SP140L: variants seen among roughly 807,000 people sequenced by gnomAD.
SP140L encodes the protein nuclear body protein SP140-like protein.
A neutral mutation model predicts 84.3 loss-of-function variants in SP140L; 64 were observed. That is an observed-to-expected ratio of 0.76 (90% confidence interval 0.62 to 0.94). SP140L has a LOEUF of 0.94. Ranked by LOEUF, SP140L falls within the 40% of genes least tolerant of loss-of-function variation. The pLI is 0.00. For missense variants in SP140L, 628 were observed against 692.5 expected, an observed-to-expected ratio of 0.91 and a Z score of 1.05; for synonymous variants, 242 against 236.9, an observed-to-expected ratio of 1.02 and a Z score of -0.20.
chr2:230,399,631 G>A (rs1316974110), intron 14 of SP140L, among the ~76,000 whole-genome samples: 1 of 152,176 alleles, frequency 6.6e-6, no homozygotes, highest in East Asian at 1.9e-4. Flanking sequence ...AAAACCTACA[G>A]CCTAGGAACC....
chr2:230,369,574 A>G (rs2060989483), intron 5 of SP140L, among the ~76,000 whole-genome samples: 1 of 152,238 alleles, frequency 6.6e-6, no homozygotes, highest in Non-Finnish European at 1.5e-5. Context: ...TTTCAGAAAC[A>G]GGAGTGTATG....
In SP140L at chr2:230,388,646, A is replaced by C; in HGVS notation, c.859+13A>C. 6.3e-7 allele frequency: 1 copy of C among 1,593,948 alleles called. No homozygotes were observed. Among genetic ancestry groups the C allele is most frequent in the Non-Finnish European group, 8.5e-7 (1 of 1,169,764 alleles). On this transcript the variant is annotated intron_variant, in intron 10 of 18. Transcript: ENST00000415673. ...GTCCGATCAAGAGGTAAAAAAGAAA[A>C]GAGGAATGCACTTTCAATAACTAAA...
chr2:230,352,453 A>C (rs1000297950), intron 2 of SP140L, among the ~76,000 whole-genome samples: 5 of 152,172 alleles, frequency 3.3e-5, no homozygotes, highest in African/African-American at 1.2e-4. Context: ...AGTGAGAGAC[A>C]GCAAAGAAAG....
intron 5 of SP140L, among the ~76,000 whole-genome samples, chr2:230,369,923 G>A (rs188189310): frequency 5.4e-4 from 80 of 147,792 alleles, no homozygotes; most frequent in Middle Eastern, 3.4e-3. Context: ...ACAGGCGCAC[G>A]CCACCACACC....
Position 230,370,915 on chromosome 2 carries a change from G to T in SP140L, c.531G>T (p.Val177=), listed in dbSNP as rs528172386. ...ATGTCATGTGTTTCTCAGGAGAAGT[G>T]CCAGAAAGCCCGGAAGCAAGGAAGG... ...DIKLSLKQGE[V]PESPEARKES... is the part of the protein sequence containing the mutation. The change falls in exon 6 of 19, where the codon GTG becomes GTT. Residue 177 remains valine (V), a synonymous_variant. Coordinates refer to ENST00000415673, the MANE Select transcript of SP140L (RefSeq NM_138402.6). 1 of 1,613,552 alleles carries T rather than the reference G, an allele frequency of 6.2e-7. No homozygotes were observed. Among genetic ancestry groups the T allele is most frequent in the South Asian group, 1.1e-5 (1 of 90,988 alleles).
At chr2:230,369,929 A>G (rs367731608) in intron 5 of SP140L, among the ~76,000 whole-genome samples, 14 of 147,822 alleles carry the variant, frequency 9.5e-5, no homozygotes, top group African/African-American at 1.3e-4. Context: ...GCACGCCACC[A>G]CACCCAGCTA....
Position 230,332,574 on chromosome 2 carries a change from G to C in SP140L, c.107+3743G>C, listed in dbSNP as rs886793639. Among the ~76,000 whole-genome samples, 3 of 152,312 alleles carry C rather than the reference G, an allele frequency of 2.0e-5. No homozygotes were observed. In the South Asian group the frequency reaches 6.2e-4, roughly 32 times the overall value. On this transcript the variant is annotated intron_variant, in intron 2 of 18. Transcript: ENST00000415673. ...CATCAGTAATCAGTGTTATCGTTAT[G>C]AGGGTTATTTAAATGATGTTCATAA...
intron 9 of SP140L, among the ~76,000 whole-genome samples, chr2:230,386,908 A>G (rs911221483): frequency 6.6e-5 from 10 of 152,206 alleles, no homozygotes; most frequent in Admixed American, 2.0e-4. Flanking sequence ...TATAGGAGGG[A>G]AAAGAGCAGC....
At chr2:230,349,697 GT>G (rs2060308261) in intron 2 of SP140L, among the ~76,000 whole-genome samples, 1 of 152,114 alleles carries the variant, frequency 6.6e-6, no homozygotes, top group Admixed American at 6.6e-5. Context: ...CATTGAATAA[GT>G]TATGGGGGTA....
At chr2:230,365,582 A>C (rs958912285) in intron 5 of SP140L, among the ~76,000 whole-genome samples, 1 of 151,000 alleles carries the variant, frequency 6.6e-6, no homozygotes, top group Non-Finnish European at 1.5e-5. Context: ...TCAAAAACCA[A>C]CTCTGTTTAG....
intron 9 of SP140L, among the ~76,000 whole-genome samples, chr2:230,385,536 A>T (rs1307811702): frequency 1.3e-5 from 2 of 152,076 alleles, no homozygotes; most frequent in Non-Finnish European, 2.9e-5. Flanking sequence ...GTTTTATCTG[A>T]TTTTCCTGGG....
intron 2 of SP140L, among the ~76,000 whole-genome samples, chr2:230,348,568 G>A (rs544290900): frequency 6.6e-6 from 1 of 152,118 alleles, no homozygotes; most frequent in Admixed American, 6.5e-5. Flanking sequence ...TTTAAATTGG[G>A]TTATCTTCTT....
At chr2:230,348,369 T>C (rs1400352843) in intron 2 of SP140L, among the ~76,000 whole-genome samples, 1 of 152,226 alleles carries the variant, frequency 6.6e-6, no homozygotes, top group African/African-American at 2.4e-5. Context: ...AGGGTTCCAG[T>C]TTTTCCACAT....
chr2:230,330,537 T>C (rs1049552509), intron 2 of SP140L, among the ~76,000 whole-genome samples: 2 of 152,232 alleles, frequency 1.3e-5, no homozygotes, highest in Non-Finnish European at 2.9e-5. Context: ...ACTGACTCTA[T>C]AGATCAATTT....
chr2:230,380,024 A>T lies in SP140L; in HGVS notation c.638-3486A>T, dbSNP rs182929306. 1.6e-4 allele frequency among the ~76,000 whole-genome samples: 25 copies of T among 152,272 alleles called. No homozygotes were observed. The East Asian group carries it at 4.4e-3, about 27-fold the overall frequency. On this transcript the variant is annotated intron_variant, in intron 7 of 18. Transcript: ENST00000415673. ...TTTCTATCTGTATTAGCCCATTTTT[A>T]CACTGCTGATAAAAACATACCCAAG...
chr2:230,366,801 T>G (rs2060892865), intron 5 of SP140L, among the ~76,000 whole-genome samples: 1 of 151,082 alleles, frequency 6.6e-6, no homozygotes, highest in African/African-American at 2.4e-5. Context: ...TGGCATGATC[T>G]TGGCTCACTG....
intron 14 of SP140L, among the ~76,000 whole-genome samples, chr2:230,397,800 C>T (rs932554434): frequency 6.6e-6 from 1 of 152,082 alleles, no homozygotes; most frequent in East Asian, 1.9e-4. Context: ...TTTTGATGCC[C>T]GGCCAACTCA....
At chr2:230,399,408 G>A (rs1490507898) in intron 14 of SP140L, among the ~76,000 whole-genome samples, 1 of 152,060 alleles carries the variant, frequency 6.6e-6, no homozygotes, top group Non-Finnish European at 1.5e-5. Context: ...ATGAGGAGAG[G>A]GTCTCCATCT....
At chr2:230,332,597 T>TA (rs2059756893) in intron 2 of SP140L, among the ~76,000 whole-genome samples, 2 of 152,238 alleles carry the variant, frequency 1.3e-5, no homozygotes, top group South Asian at 4.1e-4. Flanking sequence ...ATGATGTTCA[T>TA]AACCAAGTCA....
Sources: allele counts gnomAD v4.1 joint callset (sites outside exome capture counted in the v4.1 genomes callset), GRCh38; gene constraint gnomAD v4.1.1; transcripts MANE v1.5; gene names NCBI Gene and HGNC (gene_info 2026-07-23, HGNC 2026-07-21).